Variants in TBC1D1 observed in about 807,000 individuals in gnomAD.
TBC1D1 encodes TBC1 (tre-2/USP6, BUB2, cdc16) domain family, member 1.
A neutral mutation model predicts 125.6 loss-of-function variants in TBC1D1; 89 were observed. That is an observed-to-expected ratio of 0.71 (90% CI 0.60 to 0.85). The LOEUF (loss-of-function observed/expected upper bound fraction) is 0.85. Ranked by LOEUF, TBC1D1 falls within the 40% of genes least tolerant of loss-of-function variation. The pLI is 0.00. For missense variants in TBC1D1, 1,377 were observed against 1,469.2 expected (o/e 0.94, Z 1.03); for synonymous variants, 565 against 564.1 (o/e 1.00, Z -0.02).
At chr4:38,119,772 G>A (rs1396631136) in intron 17 of TBC1D1, among the ~76,000 whole-genome samples, 7 of 152,272 alleles carry the variant, frequency 4.6e-5, no homozygotes, top group African/African-American at 7.2e-5. Flanking sequence ...AGGAGGGAGC[G>A]CTGTTTGTTA....
chr4:38,129,360 A>G (rs1241365961), intron 18 of TBC1D1, among the ~76,000 whole-genome samples: 1 of 152,186 alleles, frequency 6.6e-6, no homozygotes, highest in Non-Finnish European at 1.5e-5. Flanking sequence ...TACGAGGACA[A>G]CTGGTGCCAT....
rs188320785 is a variant in TBC1D1, at chr4:37,997,219, T to A, written c.418-17290T>A. Among the ~76,000 whole-genome samples the A allele has an allele frequency of 2.5e-3, 374 of 152,334 alleles. 2 individuals carry two copies. The highest frequency in any genetic ancestry group is 6.8e-3 in the Middle Eastern group (2 of 294). ...CCAGTGCTTAGTATTATCACAATTT[T>A]AATTTAAGCTACAAATCTTCATCTT... On this transcript the variant is annotated intron_variant, in intron 2 of 19. Transcript: ENST00000261439.
chr4:37,963,510 G>A (rs11929786), intron 2 of TBC1D1, among the ~76,000 whole-genome samples: 40,287 of 151,958 alleles, frequency 0.27, 5,539 homozygotes, highest in East Asian at 0.34. Flanking sequence ...AAAATTAGCC[G>A]GGCATGGTGG....
intron 2 of TBC1D1, chr4:37,960,550 C>T: frequency 6.2e-7 from 1 of 1,614,110 alleles, no homozygotes. Context: ...GATGGGATAT[C>T]TCAAGTTTTA....
intron 8 of TBC1D1, among the ~76,000 whole-genome samples, chr4:38,035,912 C>T (rs1014648222): frequency 6.6e-6 from 1 of 152,148 alleles, no homozygotes; most frequent in Admixed American, 6.5e-5. Flanking sequence ...GGAGGCAGAA[C>T]AGTTGCTCTA....
intron 12 of TBC1D1, among the ~76,000 whole-genome samples, chr4:38,064,349 AG>A (rs1226704754): frequency 6.6e-6 from 1 of 152,014 alleles, no homozygotes; most frequent in Non-Finnish European, 1.5e-5. Flanking sequence ...CTCCTCCTCC[AG>A]GGGGGCCTTA....
chr4:37,962,927 T>C (rs1469824296), intron 2 of TBC1D1, among the ~76,000 whole-genome samples: 3 of 152,228 alleles, frequency 2.0e-5, no homozygotes, highest in African/African-American at 4.8e-5. Context: ...ACGGAAATAG[T>C]ATACAGCTTC....
At chr4:37,967,427 G>A (rs963820702) in intron 2 of TBC1D1, among the ~76,000 whole-genome samples, 2 of 151,682 alleles carry the variant, frequency 1.3e-5, no homozygotes, top group African/African-American at 2.4e-5. Context: ...CCTGGGAGGC[G>A]GAGGTTGCAG....
At chr4:38,037,214 T>G (rs1046743588) in intron 8 of TBC1D1, among the ~76,000 whole-genome samples, 6 of 152,008 alleles carry the variant, frequency 3.9e-5, no homozygotes, top group Non-Finnish European at 8.8e-5. Flanking sequence ...CTCATTTTTA[T>G]GGACCAGCAT....
intron 12 of TBC1D1, among the ~76,000 whole-genome samples, chr4:38,055,957 C>A (rs184550386): frequency 7.2e-4 from 110 of 152,232 alleles, no homozygotes; most frequent in African/African-American, 2.4e-3. Context: ...CTCGGTGTTG[C>A]GGTGGCCATA....
chr4:38,005,688 G>T (rs570247794), intron 2 of TBC1D1, among the ~76,000 whole-genome samples: 2 of 152,308 alleles, frequency 1.3e-5, no homozygotes, highest in African/African-American at 4.8e-5. Flanking sequence ...CAGAGATCTG[G>T]CTAAAACCCA....
chr4:38,039,495 T>A (rs572282882), intron 8 of TBC1D1, among the ~76,000 whole-genome samples: 1 of 152,250 alleles, frequency 6.6e-6, no homozygotes, highest in East Asian at 1.9e-4. Context: ...TATGCTACAT[T>A]GTTGCATGTA....
intron 12 of TBC1D1, among the ~76,000 whole-genome samples, chr4:38,058,073 T>C (rs1049069601): frequency 2.0e-5 from 3 of 152,172 alleles, no homozygotes; most frequent in African/African-American, 7.2e-5. Context: ...ATGGAAAACA[T>C]GTTTCTGGGC....
chr4:38,129,397 G>A (rs530885417), intron 18 of TBC1D1, among the ~76,000 whole-genome samples: 102 of 152,348 alleles, frequency 6.7e-4, no homozygotes, highest in African/African-American at 2.2e-3. Context: ...GTGGCGGGGA[G>A]AAGTGGTTTA....
intron 12 of TBC1D1, among the ~76,000 whole-genome samples, chr4:38,058,164 G>T (rs1752087156): frequency 6.6e-6 from 1 of 152,202 alleles, no homozygotes; most frequent in African/African-American, 2.4e-5. Context: ...TTAGCAGTGG[G>T]ACTGGAGCTT....
chr4:37,912,388 A>G (rs1718812665), intron 2 of TBC1D1, among the ~76,000 whole-genome samples: 1 of 152,250 alleles, frequency 6.6e-6, no homozygotes, highest in Non-Finnish European at 1.5e-5. Context: ...AGGATGGGGA[A>G]TGATGAGATG....
At chr4:38,130,689 TG>T (rs1765445786) in intron 18 of TBC1D1, among the ~76,000 whole-genome samples, 1 of 152,172 alleles carries the variant, frequency 6.6e-6, no homozygotes, top group African/African-American at 2.4e-5. Context: ...GGCAAGACCC[TG>T]GGGGAGGTGG....
chr4:37,982,019 G>A (rs1327760933), intron 2 of TBC1D1, among the ~76,000 whole-genome samples: 1 of 152,210 alleles, frequency 6.6e-6, no homozygotes, highest in African/African-American at 2.4e-5. Context: ...AAATAACCGA[G>A]TAACTAATTG....
chr4:38,005,032 TCTC>T (rs1330523105), intron 2 of TBC1D1, among the ~76,000 whole-genome samples: 1 of 149,920 alleles, frequency 6.7e-6, no homozygotes, highest in Admixed American at 6.7e-5. Flanking sequence ...AAAGTGTTCT[TCTC>T]CTTCCATCTC....
Sources: gnomAD v4.1 joint callset for allele counts (sites outside exome capture counted in the v4.1 genomes callset) on GRCh38, gnomAD v4.1.1 for gene constraint, MANE v1.5 for transcripts, NCBI Gene and HGNC (gene_info 2026-07-23, HGNC 2026-07-21) for gene names.